The following NAA35 variants were observed in gnomAD, a reference collection of about 807,000 sequenced individuals.
NAA35 encodes the protein MAK10 homolog, amino-acid N-acetyltransferase subunit.
In NAA35, 18 loss-of-function variants were observed where a neutral mutation model predicts 101.7. The observed-to-expected ratio is 0.18, with a 90% CI of 0.12 to 0.26. NAA35 has a LOEUF of 0.26. Among genes scored for constraint, NAA35 ranks in the 10% least tolerant of loss-of-function variants. The pLI, the probability that NAA35 is intolerant of heterozygous loss-of-function variation, is 1.00. For missense variants in NAA35, 601 were observed against 886.8 expected (o/e 0.68, Z 4.09); for synonymous variants, 267 against 273.1 (o/e 0.98, Z 0.22).
At chr9:85,983,578 A>G (rs1830524030) in intron 11 of NAA35, among the ~76,000 whole-genome samples, 1 of 152,200 alleles carries the variant, frequency 6.6e-6, no homozygotes, top group Non-Finnish European at 1.5e-5. Context: ...AATGAGAAAA[A>G]TCAGTACGTA....
chr9:86,007,166 A>G (rs984411416), intron 13 of NAA35, among the ~76,000 whole-genome samples, 192 bp from the exon 14 acceptor site: 14 of 152,196 alleles, frequency 9.2e-5, no homozygotes, highest in African/African-American at 3.4e-4. Context: ...TTTTTATCCT[A>G]CATCAGAATT....
At chr9:85,960,228 A>AT (rs958996054) in intron 5 of NAA35, among the ~76,000 whole-genome samples, 25 of 152,208 alleles carry the variant, frequency 1.6e-4, no homozygotes, top group African/African-American at 4.6e-4. Context: ...CTTTGGAGAG[A>AT]TTTTTTCTAA....
chr9:85,942,352 C>G (rs1287893552), intron 2 of NAA35, 69 bp downstream of exon 2: 9 of 1,518,660 alleles, frequency 5.9e-6, no homozygotes, highest in Non-Finnish European at 8.0e-6. Flanking sequence ...GCTTTCTAAA[C>G]TTACCTCATT....
intron 6 of NAA35, among the ~76,000 whole-genome samples, chr9:85,969,615 G>A (rs73650296): frequency 0.025 from 3,839 of 152,028 alleles, 147 homozygotes; most frequent in African/African-American, 0.088. Context: ...TTCATCTTCT[G>A]CACATACCTT....
At position 85,941,405 on chromosome 9, in the gene NAA35, G is replaced by T. The variant is rs1828505611; in HGVS notation, c.-6+132G>T. 5.1e-6 allele frequency: 5 copies of T among 985,342 alleles called. No individual in the cohort carries two copies. The South Asian group carries it at 2.3e-4, about 46-fold the overall frequency. The allele number at this position is 985,342 out of a possible 1,614,324, so 61.0% of individuals were successfully genotyped here. ...GCCCCGGCCCTCCCGCTGCGCGTCAGGTAGGAGCGGCGGGCTCCCCAGTGC... is the reference window on the plus strand; with the variant it reads ...GCCCCGGCCCTCCCGCTGCGCGTCATGTAGGAGCGGCGGGCTCCCCAGTGC... On this transcript the variant is annotated intron_variant, in intron 1 of 22. Coordinates refer to ENST00000361671, the MANE Select transcript of NAA35 (RefSeq NM_024635.4).
At chr9:86,016,219 T>A (rs1832215318) in intron 17 of NAA35, among the ~76,000 whole-genome samples, 1 of 152,134 alleles carries the variant, frequency 6.6e-6, no homozygotes, top group Admixed American at 6.6e-5. Context: ...TTTTTCTGAT[T>A]TTATTTGCTT....
At position 85,961,500 on chromosome 9, in the gene NAA35, C is replaced by G. The variant is rs1458747286; in HGVS notation, c.349-513C>G. Among the ~76,000 whole-genome samples the G allele has an allele frequency of 2.0e-5, 3 of 152,292 alleles. No homozygotes were observed. The East Asian group carries it at 5.8e-4, about 29-fold the overall frequency. On this transcript the variant is annotated intron_variant, in intron 5 of 22. Transcript: ENST00000361671. ...CATGGTGCCAGACATATAGTGGTCACTTAGTAAAATAGTATAAAACAATTA... is the reference window on the plus strand; with the variant it reads ...CATGGTGCCAGACATATAGTGGTCAGTTAGTAAAATAGTATAAAACAATTA...
intron 11 of NAA35, among the ~76,000 whole-genome samples, chr9:85,985,262 A>G (rs1359375016): frequency 6.6e-6 from 1 of 152,228 alleles, no homozygotes; most frequent in Admixed American, 6.5e-5. Context: ...TAAACATAGA[A>G]TTATCCAAGG....
intron 17 of NAA35, among the ~76,000 whole-genome samples, chr9:86,015,295 G>T (rs1396013873): frequency 6.6e-6 from 1 of 151,984 alleles, no homozygotes; most frequent in Non-Finnish European, 1.5e-5. Context: ...AAGAACTTTA[G>T]TCTGCCCATA....
At chr9:85,959,280 G>A (rs1829405974) in intron 4 of NAA35, among the ~76,000 whole-genome samples, 1 of 151,498 alleles carries the variant, frequency 6.6e-6, no homozygotes, top group Non-Finnish European at 1.5e-5. Flanking sequence ...GGAGGCTGAG[G>A]CAGGAGAATG....
intron 11 of NAA35, among the ~76,000 whole-genome samples, chr9:85,992,209 A>G (rs1303320791): frequency 2.0e-5 from 3 of 151,866 alleles, no homozygotes; most frequent in African/African-American, 7.2e-5. Context: ...AATGAATAAA[A>G]TAATAGGAAC....
At position 85,942,141 on chromosome 9, in the gene NAA35, T is replaced by C; in HGVS notation, c.-5-14T>C. ...AGCTACATCCTCTCTCTTACATCAG[T>C]ATTAATTTTACAGGCATAATGGTTA... On this transcript the variant is annotated splice_polypyrimidine_tract_variant and intron_variant, in intron 1 of 22. Transcript: ENST00000361671. 1 of 1,609,400 alleles carries C rather than the reference T, an allele frequency of 6.2e-7. No homozygotes were observed. The highest frequency in any genetic ancestry group is 8.5e-7 in the Non-Finnish European group (1 of 1,178,766).
intron 11 of NAA35, among the ~76,000 whole-genome samples, chr9:85,979,253 C>T (rs551276920): frequency 4.6e-5 from 7 of 152,278 alleles, no homozygotes; most frequent in South Asian, 2.1e-4. Context: ...CTGCTGTGTC[C>T]GGTTTCCATT....
intron 22 of NAA35, among the ~76,000 whole-genome samples, chr9:86,021,390 C>T (rs532906586): frequency 3.9e-5 from 6 of 152,292 alleles, no homozygotes; most frequent in South Asian, 2.1e-4. Flanking sequence ...ATCCATGCTA[C>T]GTCATCATTT....
chr9:85,985,368 G>A (rs963875210), intron 11 of NAA35, among the ~76,000 whole-genome samples: 2 of 152,210 alleles, frequency 1.3e-5, no homozygotes, highest in African/African-American at 4.8e-5. Context: ...ATGTCCATCA[G>A]TGGATGAATG....
chr9:86,021,081 A>G (rs961065585), intron 22 of NAA35, 112 bp downstream of exon 22: 1 of 741,878 alleles, frequency 1.3e-6, no homozygotes, highest in Non-Finnish European at 2.1e-6. Context: ...AACAAAAATC[A>G]TTCTAAAAAT....
chr9:85,986,545 A>G (rs549032966), intron 11 of NAA35: 1 of 422,982 alleles, frequency 2.4e-6, no homozygotes, highest in Non-Finnish European at 4.8e-6. Flanking sequence ...ACGAAGGAGT[A>G]CTCTAAGCTT....
intron 12 of NAA35, 83 bp downstream of exon 12, chr9:85,996,660 CTT>C: frequency 9.0e-7 from 1 of 1,113,236 alleles, no homozygotes; most frequent in South Asian, 1.7e-5. Flanking sequence ...TATGTGGTAA[CTT>C]TGGTTTAACA....
intron 6 of NAA35, among the ~76,000 whole-genome samples, chr9:85,963,207 T>A (rs751467812): frequency 6.6e-6 from 1 of 151,932 alleles, no homozygotes; most frequent in Non-Finnish European, 1.5e-5. Context: ...TTATACTATG[T>A]ATGTGAGAAT....
Sources: allele counts gnomAD v4.1 joint callset (sites outside exome capture counted in the v4.1 genomes callset), GRCh38; gene constraint gnomAD v4.1.1; transcripts MANE v1.5; gene names NCBI Gene and HGNC (gene_info 2026-07-23, HGNC 2026-07-21).